The following CKMT2 variants were observed in gnomAD, a reference collection of about 807,000 sequenced individuals.
CKMT2 encodes the protein creatine kinase, mitochondrial 2.
In CKMT2, 43 loss-of-function variants were observed where a neutral mutation model predicts 48.9. The observed-to-expected ratio is 0.88, with a 90% CI of 0.69 to 1.13. CKMT2 has a LOEUF of 1.13. CKMT2 is among the 50% of genes most tolerant of loss of function. The probability of loss-of-function intolerance (pLI) is 0.00; values close to 1 mark genes in which losing one functional copy is unlikely to be tolerated. For missense variants in CKMT2, 472 were observed against 555.4 expected, an observed-to-expected ratio of 0.85 and a Z score of 1.51; for synonymous variants, 206 against 213.0, an observed-to-expected ratio of 0.97 and a Z score of 0.29.
At chr5:81,258,884 C>A (rs1048153123) in intron 7 of CKMT2, among the ~76,000 whole-genome samples, 1 of 152,158 alleles carries the variant, frequency 6.6e-6, no homozygotes, top group Non-Finnish European at 1.5e-5. Flanking sequence ...AGACACCGGT[C>A]CCTGATGCAA....
chr5:81,241,011 A>T (rs1044339999), intron 1 of CKMT2, among the ~76,000 whole-genome samples: 2 of 152,184 alleles, frequency 1.3e-5, no homozygotes, highest in African/African-American at 4.8e-5. Flanking sequence ...TCACTTACTC[A>T]TCAGACATTT....
At position 81,259,121 on chromosome 5, in the gene CKMT2, TAGAACGGTTAATCCA is replaced by T; in HGVS notation, c.888_902del (p.Leu297_Arg301del). 1 of 1,612,566 alleles carries T rather than the reference TAGAACGGTTAATCCA, an allele frequency of 6.2e-7. No homozygotes were observed. The highest frequency in any genetic ancestry group is 8.5e-7 in the Non-Finnish European group (1 of 1,179,250). ...TGTTCACTGTGGTTCTACTTGTAGG[TAGAACGGTTAATCCA>T]AGAACGAGGCTGGGAGTTCATGTGG... On this transcript the variant is annotated inframe_deletion and splice_region_variant, in exon 8 of 10. Coordinates refer to ENST00000254035, the MANE Select transcript of CKMT2 (RefSeq NM_001099735.2).
chr5:81,247,353 C>G (rs747706036), intron 1 of CKMT2, among the ~76,000 whole-genome samples: 2 of 152,324 alleles, frequency 1.3e-5, no homozygotes, highest in Non-Finnish European at 2.9e-5. Context: ...CTTTGATAGA[C>G]ACAGATTACC....
intron 7 of CKMT2, 74 bp downstream of exon 7, chr5:81,257,930 A>C: frequency 2.1e-6 from 3 of 1,414,372 alleles, no homozygotes; most frequent in Non-Finnish European, 2.9e-6. Context: ...GAAAGAAGAC[A>C]CTATGGTAAC....
At chr5:81,254,527 T>C (rs1211961582) in intron 4 of CKMT2, 36 bp downstream of exon 4, 5 of 1,584,672 alleles carry the variant, frequency 3.2e-6, no homozygotes, top group Non-Finnish European at 4.3e-6. Context: ...CCCACGAAGC[T>C]GGCACTCCTG....
At chr5:81,239,815 G>C (rs1222847357) in intron 1 of CKMT2, among the ~76,000 whole-genome samples, 3 of 152,120 alleles carry the variant, frequency 2.0e-5, no homozygotes, top group African/African-American at 7.2e-5. Flanking sequence ...TGTGGACTAT[G>C]ACTGCTGGCC....
rs546019444 is a variant in CKMT2 at position 81,258,623 on chromosome 5, A to G, written c.880-497A>G. Among the ~76,000 whole-genome samples, 6 of 152,278 alleles carry G rather than the reference A, an allele frequency of 3.9e-5. No homozygotes were observed. In the South Asian group the frequency reaches 8.3e-4, roughly 21 times the overall value. On this transcript the variant is annotated intron_variant, in intron 7 of 9. Coordinates refer to ENST00000254035, the MANE Select transcript of CKMT2 (RefSeq NM_001099735.2). ...TGTGGCCTGTTAGGAACTGGGCCGC[A>G]CAGCAGGAGGTGAGTGGTGGGTAAG...
Position 81,239,952 on chromosome 5 carries a change from A to T in CKMT2, c.-21+6575A>T, listed in dbSNP as rs183491866. On this transcript the variant is annotated intron_variant, in intron 1 of 9. Coordinates refer to ENST00000254035, the MANE Select transcript of CKMT2 (RefSeq NM_001099735.2). ...CACACAGCGTTTTTTTCCTCAGACT[A>T]AGGACTCTGGAAAAGCTGCCACATA... Among the ~76,000 whole-genome samples the T allele has an allele frequency of 4.2e-3, 641 of 152,224 alleles. 9 individuals carry two copies. The highest frequency in any genetic ancestry group is 3.7e-3 in the Non-Finnish European group (251 of 68,010).
chr5:81,258,413 C>T (rs1757090821), intron 7 of CKMT2, among the ~76,000 whole-genome samples: 1 of 152,170 alleles, frequency 6.6e-6, no homozygotes, highest in South Asian at 2.1e-4. Flanking sequence ...TCTAAGCATA[C>T]AGATGACAGA....
In CKMT2 at chr5:81,254,510, C is replaced by T. The variant is rs769313745; in HGVS notation, c.447+19C>T. 3.1e-6 allele frequency: 5 copies of T among 1,605,616 alleles called. No individual in the cohort carries two copies. The East Asian group carries it at 1.1e-4, about 36-fold the overall frequency. On this transcript the variant is annotated intron_variant, in intron 4 of 9. Coordinates refer to ENST00000254035, the MANE Select transcript of CKMT2 (RefSeq NM_001099735.2). ...ATCAAAGGTAGGCTCCAGCCTCCCT[C>T]TCCTTCCCCACGAAGCTGGCACTCC... is the stretch of plus-strand genomic sequence containing the variant.
chr5:81,253,824 T>C (rs917528515), intron 3 of CKMT2, among the ~76,000 whole-genome samples: 4 of 152,236 alleles, frequency 2.6e-5, no homozygotes, highest in Non-Finnish European at 4.4e-5. Flanking sequence ...TGAAGTTTTG[T>C]TTTTAGAATA....
rs1580447303 is a variant in CKMT2 at position 81,252,818 on chromosome 5, G to A, written c.276G>A (p.Gln92=). ...PNGYTLDQCI[Q]TGVDNPGHPF... ...GCTACACGCTGGACCAGTGCATCCA[G>A]ACTGGAGTGGACAACCCTGGCCACC... Residue 92 remains glutamine (Q), a synonymous_variant, in exon 3 of 10, where the codon CAG becomes CAA. Transcript: ENST00000254035. The A allele has an allele frequency of 3.7e-6, 6 of 1,614,238 alleles. No individual in the cohort carries two copies. In the African/African-American group the frequency reaches 4.0e-5, roughly 11 times the overall value.
chr5:81,255,821 T>TAAA (rs34825989), intron 5 of CKMT2, among the ~76,000 whole-genome samples: 26 of 140,738 alleles, frequency 1.8e-4, no homozygotes, highest in African/African-American at 6.2e-4. Context: ...TTTAAACTCT[T>TAAA]AAAAAAAAAA....
chr5:81,257,071 C>A, intron 6 of CKMT2, 71 bp downstream of exon 6: 2 of 1,278,712 alleles, frequency 1.6e-6, no homozygotes, highest in Non-Finnish European at 2.2e-6. Context: ...CTTATCCTAA[C>A]CTGGAGTTGC....
chr5:81,257,564 T>C (rs923716608), intron 6 of CKMT2, among the ~76,000 whole-genome samples, 169 bp from the exon 7 acceptor site: 1 of 152,170 alleles, frequency 6.6e-6, no homozygotes, highest in Non-Finnish European at 1.5e-5. Context: ...CTTCCTTCTG[T>C]CAAAGTAACA....
At chr5:81,251,485 G>A (rs1022966010) in intron 2 of CKMT2, among the ~76,000 whole-genome samples, 3 of 152,210 alleles carry the variant, frequency 2.0e-5, no homozygotes, top group Non-Finnish European at 4.4e-5. Context: ...CTACTTGGGA[G>A]GCTGAGGCAG....
chr5:81,263,829 G>A (rs77658270), intron 9 of CKMT2, among the ~76,000 whole-genome samples: 1 of 152,164 alleles, frequency 6.6e-6, no homozygotes, highest in East Asian at 1.9e-4. Flanking sequence ...GAATTTATAG[G>A]CAAGTATAGG....
intron 8 of CKMT2, among the ~76,000 whole-genome samples, chr5:81,261,727 C>A (rs1757231638): frequency 6.6e-6 from 1 of 152,196 alleles, no homozygotes; most frequent in African/African-American, 2.4e-5. Context: ...GTTCCATGCT[C>A]ATGGATAGGA....
At chr5:81,233,990 A>T in intron 1 of CKMT2, among the ~76,000 whole-genome samples, 1 of 122,666 alleles carries the variant, frequency 8.2e-6, no homozygotes, top group Non-Finnish European at 1.6e-5. Context: ...TCCCCTCCCC[A>T]CCATCCTTAC....
Sources: gnomAD v4.1 joint callset for allele counts (sites outside exome capture counted in the v4.1 genomes callset) on GRCh38, gnomAD v4.1.1 for gene constraint, MANE v1.5 for transcripts, NCBI Gene and HGNC (gene_info 2026-07-23, HGNC 2026-07-21) for gene names.